Variants in IFT74 observed in about 807,000 individuals in gnomAD.
IFT74 encodes the protein intraflagellar transport protein 74 homolog.
A neutral mutation model predicts 96.7 loss-of-function variants in IFT74; 92 were observed. That is an observed-to-expected ratio of 0.95 (90% CI 0.80 to 1.13). The LOEUF (loss-of-function observed/expected upper bound fraction) is 1.13. Ranked by LOEUF, IFT74 falls within the 50% of genes most tolerant of loss-of-function variation. IFT74 has a pLI of 0.00. For synonymous variants in IFT74, 223 were observed against 213.2 expected (o/e 1.05, Z -0.40); for missense variants, 811 against 698.2 (o/e 1.16, Z -1.82).
chr9:26,988,525 T>C, intron 6 of IFT74, 144 bp from the exon 7 acceptor site: 1 of 823,116 alleles, frequency 1.2e-6, no homozygotes, highest in Non-Finnish European at 1.8e-6. Context: ...TTTGTTTTTA[T>C]CTTAAAATAG....
intron 12 of IFT74, among the ~76,000 whole-genome samples, chr9:27,019,822 A>G (rs1227144585): frequency 1.3e-5 from 2 of 151,992 alleles, no homozygotes; most frequent in African/African-American, 4.8e-5. Context: ...ACTCATGACT[A>G]TGTTTAACTT....
In IFT74 at chr9:27,059,207, T is replaced by C. The variant is rs16910967; in HGVS notation, c.1624-1384T>C. ...GAATCCTTCTCTGTGTTATTTGTCA[T>C]CTTTTGTGAATCCCAACTGATTAAG... On this transcript the variant is annotated intron_variant, in intron 18 of 19. Coordinates refer to ENST00000380062, the MANE Select transcript of IFT74 (RefSeq NM_025103.4). 9.6e-3 allele frequency among the ~76,000 whole-genome samples: 1,461 copies of C among 152,346 alleles called. 18 individuals are homozygous for C. Among genetic ancestry groups the C allele is most frequent in the African/African-American group, 0.033 (1,372 of 41,568 alleles).
intron 8 of IFT74, among the ~76,000 whole-genome samples, chr9:27,002,377 C>T (rs756655091): frequency 1.3e-5 from 2 of 152,142 alleles, no homozygotes; most frequent in African/African-American, 4.8e-5. Context: ...GGGCTGAGTC[C>T]GAAAAGAGAG....
chr9:26,963,280 A>G (rs897159989), intron 2 of IFT74, among the ~76,000 whole-genome samples: 16 of 152,070 alleles, frequency 1.1e-4, no homozygotes, highest in Admixed American at 2.0e-4. Flanking sequence ...CCTACAAAGG[A>G]CATGAACTCA....
At position 26,990,147 on chromosome 9, in the gene IFT74, A is replaced by G. The variant is rs1165068314; in HGVS notation, c.539A>G (p.Asn180Ser). Residue 180 changes from asparagine (N) to serine (S), a missense_variant, in exon 8 of 20, where the codon AAT becomes AGT. Transcript: ENST00000380062. ...AACTTTATTCAGCTTAAAGCTCAAA[A>G]TGATCGAGAAACACAAAGTTTGGAT... is the stretch of plus-strand genomic sequence containing the variant. Reference protein sequence around the residue: ...MNDYNMLKAQNDRETQSLDVI... With the variant: ...MNDYNMLKAQSDRETQSLDVI... The G allele has an allele frequency of 3.3e-6, 5 of 1,502,712 alleles. 1 individual carries two copies. Among genetic ancestry groups the G allele is most frequent in the Non-Finnish European group, 4.4e-6 (5 of 1,128,120 alleles). The allele number at this position is 1,502,712 out of a possible 1,614,324, so 93.1% of individuals were successfully genotyped here. A position where few individuals can be genotyped will look rare whatever the true frequency, so the allele number is the denominator to read the frequency against.
intron 2 of IFT74, among the ~76,000 whole-genome samples, chr9:26,969,531 G>A (rs1290221756): frequency 6.6e-6 from 1 of 151,788 alleles, no homozygotes; most frequent in African/African-American, 2.4e-5. Flanking sequence ...CTGCTAATAT[G>A]TATCTTTTAA....
At chr9:27,008,891 C>A in intron 8 of IFT74, 129 bp from the exon 9 acceptor site, 1 of 714,594 alleles carries the variant, frequency 1.4e-6, no homozygotes, top group Non-Finnish European at 2.2e-6. Flanking sequence ...AATATAAAGA[C>A]TTTTCAGTCA....
intron 13 of IFT74, among the ~76,000 whole-genome samples, chr9:27,039,963 A>T (rs1474663498): frequency 2.6e-5 from 4 of 152,230 alleles, no homozygotes; most frequent in Non-Finnish European, 5.9e-5. Context: ...GGCCCCCACA[A>T]CTAATTAAAA....
chr9:27,014,186 G>A (rs1829239728), intron 10 of IFT74, among the ~76,000 whole-genome samples: 1 of 152,186 alleles, frequency 6.6e-6, no homozygotes. Context: ...CTGCACTCCA[G>A]CCTGGGCGAC....
At chr9:27,060,807 A>G (rs1356394249) in intron 19 of IFT74, among the ~76,000 whole-genome samples, 156 bp downstream of exon 19, 1 of 151,596 alleles carries the variant, frequency 6.6e-6, no homozygotes, top group Non-Finnish European at 1.5e-5. Context: ...AAAATACAAA[A>G]AAAACATAGC....
intron 8 of IFT74, among the ~76,000 whole-genome samples, chr9:27,007,539 C>T (rs553147486): frequency 6.6e-6 from 1 of 152,288 alleles, no homozygotes; most frequent in South Asian, 2.1e-4. Flanking sequence ...GTGAAGATAC[C>T]ACTTCTTCTC....
In IFT74 at chr9:26,997,639, CT is replaced by C. The variant is rs1339984081; in HGVS notation, c.587+7448del. ...ATGAGCCACTGCGCCTGGCTGCTTC[CT>C]TTTCTTTAAAACGTGATATGAGAGA... On this transcript the variant is annotated intron_variant, in intron 8 of 19. Transcript: ENST00000380062. 6.4e-6 allele frequency: 9 copies of C among 1,411,922 alleles called. No homozygotes were observed. The East Asian group carries it at 1.2e-4, about 18-fold the overall frequency. The allele number at this position is 1,411,922 out of a possible 1,614,324, so 87.5% of individuals were successfully genotyped here.
chr9:27,033,368 G>T (rs564897162), intron 13 of IFT74, among the ~76,000 whole-genome samples: 3 of 152,012 alleles, frequency 2.0e-5, no homozygotes, highest in African/African-American at 7.2e-5. Context: ...GACCAGCCTG[G>T]GCAACAGGGC....
chr9:27,009,572 T>G (rs1828949200), intron 9 of IFT74, among the ~76,000 whole-genome samples: 1 of 152,064 alleles, frequency 6.6e-6, no homozygotes, highest in African/African-American at 2.4e-5. Context: ...TACAGACTTT[T>G]AATGCAAACA....
chr9:26,983,281 G>A (rs886900844), intron 4 of IFT74, among the ~76,000 whole-genome samples: 9 of 152,164 alleles, frequency 5.9e-5, no homozygotes, highest in Non-Finnish European at 1.3e-4. Flanking sequence ...AGAAGGAAAG[G>A]AAATATAGTT....
intron 8 of IFT74, among the ~76,000 whole-genome samples, chr9:27,004,287 T>G (rs1828662075): frequency 6.6e-6 from 1 of 152,194 alleles, no homozygotes; most frequent in South Asian, 2.1e-4. Context: ...AGAAAAGGAT[T>G]TTTTTTCCTT....
In IFT74 at chr9:27,057,846, A is replaced by C. The variant is rs1310963181; in HGVS notation, c.1623+1387A>C. Among the ~76,000 whole-genome samples the C allele has an allele frequency of 2.0e-5, 3 of 152,108 alleles. No homozygotes were observed. The East Asian group carries it at 5.8e-4, about 29-fold the overall frequency. The stretch of plus-strand genomic sequence containing the variant: ...GCACTCCAGCCTGGGTGACAGAGCG[A>C]GACTCTGTCTCAAAAAAAAAACAAA... On this transcript the variant is annotated intron_variant, in intron 18 of 19. Transcript: ENST00000380062.
intron 3 of IFT74, 100 bp from the exon 4 acceptor site, chr9:26,980,471 T>C (rs1827322173): frequency 1.3e-6 from 1 of 766,442 alleles, no homozygotes; most frequent in Non-Finnish European, 2.4e-6. Flanking sequence ...TCATGAAGAC[T>C]GTCTTGAGAA....
At chr9:26,963,344 A>G (rs1445589000) in intron 2 of IFT74, among the ~76,000 whole-genome samples, 3 of 151,930 alleles carry the variant, frequency 2.0e-5, no homozygotes, top group African/African-American at 7.3e-5. Flanking sequence ...ACATTTTCTT[A>G]ATCCAGTCTA....
Sources: allele counts gnomAD v4.1 joint callset (sites outside exome capture counted in the v4.1 genomes callset), GRCh38; gene constraint gnomAD v4.1.1; transcripts MANE v1.5; gene names NCBI Gene and HGNC (gene_info 2026-07-23, HGNC 2026-07-21).